CARMIL2: variants seen among roughly 807,000 people sequenced by gnomAD.
The protein encoded by CARMIL2 is capping protein regulator and myosin 1 linker 2.
CARMIL2 carries 96 observed loss-of-function variants against 173.3 expected under a neutral mutation model. The ratio of observed to expected loss-of-function variants is 0.55; its 90% CI spans 0.47 to 0.66. The LOEUF (loss-of-function observed/expected upper bound fraction) is 0.66, where lower values mean the gene tolerates loss of function less well. Among genes scored for constraint, CARMIL2 ranks in the 30% least tolerant of loss-of-function variants. CARMIL2 has a pLI of 0.00. For synonymous variants in CARMIL2, 830 were observed against 817.1 expected (o/e 1.02, Z -0.27); for missense variants, 1,771 against 1,906.7 (o/e 0.93, Z 1.33).
intron 32 of CARMIL2, 86 bp downstream of exon 32, chr16:67,654,986 G>A (rs2142950836): frequency 6.6e-7 from 1 of 1,511,282 alleles, no homozygotes; most frequent in East Asian, 2.3e-5. Context: ...GGAGACTCAT[G>A]ACAGATAGGT....
chr16:67,655,724 ACT>A (rs1351699209), intron 32 of CARMIL2, among the ~76,000 whole-genome samples: 1 of 151,786 alleles, frequency 6.6e-6, no homozygotes, highest in African/African-American at 2.4e-5. Context: ...TTCTTCCCTG[ACT>A]CTCCTCTGTG....
chr16:67,650,173 C>A (rs140340621), intron 22 of CARMIL2, 23 bp downstream of exon 22: 1 of 1,585,790 alleles, frequency 6.3e-7, no homozygotes, highest in Non-Finnish European at 8.6e-7. Flanking sequence ...TCCCCAACCA[C>A]GAGAGGTAGG....
Position 67,656,628 on chromosome 16 carries a change from TG to T in CARMIL2, c.4022del (p.Gly1341AlafsTer9). On this transcript the variant is annotated frameshift_variant, in exon 35 of 38. Coordinates refer to ENST00000334583, the MANE Select transcript of CARMIL2 (RefSeq NM_001013838.3). LOFTEE classifies it high-confidence loss of function. ...CTGGGCCTCCCAGAGGACCCTTGCT[TG>T]GGCCCCAGAAATGAAGGTAGGCAGG... ...DSLGLPEDPC[L>X]GPRNEDGQLR... 1 of 1,594,362 alleles carries T rather than the reference TG, an allele frequency of 6.3e-7. No individual in the cohort carries two copies. The highest frequency in any genetic ancestry group is 8.5e-7 in the Non-Finnish European group (1 of 1,171,034).
Position 67,649,955 on chromosome 16 carries a change from G to C in CARMIL2, c.2069G>C (p.Arg690Pro). The change falls in exon 21 of 38, where the codon CGT (arginine) becomes CCT (proline). Residue 690 changes from arginine to proline, a missense_variant. Arg to Pro is a moderately radical substitution (Grantham distance 103). Transcript: ENST00000334583. This position sits in a 1 kb window ranked among gnomAD's most constrained non-coding sequence, Gnocchi z 6.7. ...AQRSRPELTA[R>P]AVHQIQACLL... ...CGCAGCCGCCCGGAACTGACAGCAC[G>C]TGCAGTCCATCAGGTGGGCGTCCCC... 6.2e-7 allele frequency: 1 copy of C among 1,613,282 alleles called. No individual in the cohort carries two copies. Among genetic ancestry groups the C allele is most frequent in the Non-Finnish European group, 8.5e-7 (1 of 1,179,768 alleles).
chr16:67,652,603 C>A lies in CARMIL2; in HGVS notation c.2884+65C>A. On this transcript the variant is annotated intron_variant, in intron 28 of 37. Transcript: ENST00000334583. The surrounding 1 kb of genome is among the most constrained non-coding windows in gnomAD (Gnocchi z 4.7). Reference sequence around the variant, plus strand: ...GCTGAAGCTCCATTAGACTTGGGGACCCGGGGACCTGGATGAACTCATTCA... The same window carrying A: ...GCTGAAGCTCCATTAGACTTGGGGAACCGGGGACCTGGATGAACTCATTCA... 1 of 1,488,764 alleles carries A rather than the reference C, an allele frequency of 6.7e-7. No individual in the cohort carries two copies. Among genetic ancestry groups the A allele is most frequent in the Non-Finnish European group, 9.3e-7 (1 of 1,075,954 alleles). 92.2% of individuals were successfully genotyped at this position (1,488,764 alleles called of 1,614,324 possible).
Position 67,648,486 on chromosome 16 carries a change from C to A in CARMIL2, c.1423C>A (p.Pro475Thr). 4.2e-6 allele frequency: 6 copies of A among 1,434,350 alleles called. No homozygotes were observed. The highest frequency in any genetic ancestry group is 5.4e-6 in the Non-Finnish European group (6 of 1,101,410). The allele number at this position is 1,434,350 out of a possible 1,614,324, so 88.9% of individuals were successfully genotyped here. The part of the protein sequence containing the change: ...RHLGLAGCKL[P>T]PDALRALLDG... ...CCTGGGCCTGGCGGGCTGCAAGCTGCCGCCCGACGCGCTCAGGTCAGTGTC... is the reference window on the plus strand; with the variant it reads ...CCTGGGCCTGGCGGGCTGCAAGCTGACGCCCGACGCGCTCAGGTCAGTGTC... The change falls in exon 15 of 38, where the codon CCG becomes ACG. Residue 475 changes from proline to threonine, a missense_variant. Coordinates refer to ENST00000334583, the MANE Select transcript of CARMIL2 (RefSeq NM_001013838.3). The surrounding 1 kb of genome is among the most constrained non-coding windows in gnomAD (Gnocchi z 6.1).
chr16:67,649,384 A>T lies in CARMIL2; in HGVS notation c.1747-63A>T. On this transcript the variant is annotated intron_variant, in intron 19 of 37. Coordinates refer to ENST00000334583, the MANE Select transcript of CARMIL2 (RefSeq NM_001013838.3). This position sits in a 1 kb window ranked among gnomAD's most constrained non-coding sequence, Gnocchi z 6.7. Reference sequence around the variant, plus strand: ...GTCCTCCTTTCTCTTGTTCCCTCAGACCCTGTGACCTGCCCTCACTGACCC... The same window carrying T: ...GTCCTCCTTTCTCTTGTTCCCTCAGTCCCTGTGACCTGCCCTCACTGACCC... 2 of 1,609,358 alleles carry T rather than the reference A, an allele frequency of 1.2e-6. No homozygotes were observed. The highest frequency in any genetic ancestry group is 1.7e-6 in the Non-Finnish European group (2 of 1,179,000).
At chr16:67,647,461 G>T (rs78046419) in intron 10 of CARMIL2, 47 bp from the exon 11 acceptor site, 2 of 1,563,848 alleles carry the variant, frequency 1.3e-6, no homozygotes, top group Admixed American at 1.9e-5. Context: ...CCTGGGAGGG[G>T]TTGGCAAACC....
chr16:67,656,944 G>T, intron 36 of CARMIL2, 63 bp downstream of exon 36: 1 of 1,330,836 alleles, frequency 7.5e-7, no homozygotes. Context: ...GGCTTCTGGG[G>T]CTCCCTTCAT....
chr16:67,654,068 C>T (rs2052781524), intron 29 of CARMIL2, 81 bp from the exon 30 acceptor site: 13 of 954,026 alleles, frequency 1.4e-5, no homozygotes, highest in Non-Finnish European at 1.8e-5. Context: ...TTATTCAGTC[C>T]AGGCTGCCGG....
rs2052870226 is a variant in CARMIL2 at position 67,656,819 on chromosome 16, G to C, written c.4055G>C (p.Arg1352Thr). 1.3e-6 allele frequency: 2 copies of C among 1,550,994 alleles called. No individual in the cohort carries two copies. The highest frequency in any genetic ancestry group is 1.4e-5 in the African/African-American group (1 of 73,066). Residue 1352 changes from arginine (R) to threonine (T), a missense_variant, in exon 36 of 38, where the codon AGG becomes ACG. By Grantham distance (71) the Arg-to-Thr change is moderately conservative. Around this residue, in one of 3 missense-constraint regions of CARMIL2, gnomAD observed 817 missense variants for 903.5 expected, o/e 0.90. Coordinates refer to ENST00000334583, the MANE Select transcript of CARMIL2 (RefSeq NM_001013838.3). Reference sequence around the variant, plus strand: ...CCCTCAGATGGCCAGCTGAGGCCGAGGCCTCTCTCGGCAGGGCGGCGAGCA... The same window carrying C: ...CCCTCAGATGGCCAGCTGAGGCCGACGCCTCTCTCGGCAGGGCGGCGAGCA... ...PRNEDGQLRP[R>T]PLSAGRRAVS...
In CARMIL2 at chr16:67,652,149, G is replaced by C. The variant is rs1313131792; in HGVS notation, c.2677-50G>C. The C allele has an allele frequency of 1.2e-6, 2 of 1,602,514 alleles. No individual in the cohort carries two copies. The highest frequency in any genetic ancestry group is 2.2e-5 in the East Asian group (1 of 44,704). Reference sequence around the variant, plus strand: ...AGGGTCCCCTTAGTTAGCATCAATGGGATCATGGCTGAGGCCCTACCTGCC... The same window carrying C: ...AGGGTCCCCTTAGTTAGCATCAATGCGATCATGGCTGAGGCCCTACCTGCC... On this transcript the variant is annotated intron_variant, in intron 26 of 37. Coordinates refer to ENST00000334583, the MANE Select transcript of CARMIL2 (RefSeq NM_001013838.3). This position sits in a 1 kb window ranked among gnomAD's most constrained non-coding sequence, Gnocchi z 4.7.
chr16:67,655,961 C>T lies in CARMIL2; in HGVS notation c.3706-70C>T, dbSNP rs2052840540. The T allele has an allele frequency of 7.2e-6, 11 of 1,534,252 alleles. No homozygotes were observed. In the South Asian group the frequency reaches 1.2e-4, roughly 17 times the overall value. On this transcript the variant is annotated intron_variant, in intron 32 of 37. Coordinates refer to ENST00000334583, the MANE Select transcript of CARMIL2 (RefSeq NM_001013838.3). ...GCATTCAGTGGCAGGATTATAAGAA[C>T]AAGAACGAACAAAAGGCTAGGGTGT...
chr16:67,651,854 G>C lies in CARMIL2; in HGVS notation c.2588+9G>C, dbSNP rs866464719. The C allele has an allele frequency of 6.2e-7, 1 of 1,612,720 alleles. No homozygotes were observed. Among genetic ancestry groups the C allele is most frequent in the Non-Finnish European group, 8.5e-7 (1 of 1,179,644 alleles). On this transcript the variant is annotated intron_variant, in intron 25 of 37. Coordinates refer to ENST00000334583, the MANE Select transcript of CARMIL2 (RefSeq NM_001013838.3). The surrounding 1 kb of genome is among the most constrained non-coding windows in gnomAD (Gnocchi z 4.2). The stretch of plus-strand genomic sequence containing the variant: ...GCCTTCACTAGGCTCAGGTAGGCTG[G>C]ATGGGGCTGGGCTGGGCAAGGCTGA...
chr16:67,657,336 A>C lies in CARMIL2; in HGVS notation c.4195+20A>C. On this transcript the variant is annotated intron_variant, in intron 37 of 37. Coordinates refer to ENST00000334583, the MANE Select transcript of CARMIL2 (RefSeq NM_001013838.3). This position sits in a 1 kb window ranked among gnomAD's most constrained non-coding sequence, Gnocchi z 4.5. ...GCCTAGGTAAGAGGGGGTCCAGGCCAGCTGGGAGGGTGGCAGGACTGCTTA... is the reference window on the plus strand; with the variant it reads ...GCCTAGGTAAGAGGGGGTCCAGGCCCGCTGGGAGGGTGGCAGGACTGCTTA... 2 of 1,613,132 alleles carry C rather than the reference A, an allele frequency of 1.2e-6. No homozygotes were observed. The highest frequency in any genetic ancestry group is 2.2e-5 in the South Asian group (2 of 90,954).
chr16:67,646,595 C>T lies in CARMIL2; in HGVS notation c.466+78C>T. ...CCCAGACCCGCAAGCTGGGGGGGCC[C>T]CAAACTGAACAGAGCCATTCAGGTC... On this transcript the variant is annotated intron_variant, in intron 6 of 37. Transcript: ENST00000334583. This position sits in a 1 kb window ranked among gnomAD's most constrained non-coding sequence, Gnocchi z 4.6. 12 of 1,576,076 alleles carry T rather than the reference C, an allele frequency of 7.6e-6. No individual in the cohort carries two copies. The highest frequency in any genetic ancestry group is 1.0e-5 in the Non-Finnish European group (12 of 1,148,956).
intron 2 of CARMIL2, 39 bp downstream of exon 2, chr16:67,645,670 C>T: frequency 6.2e-7 from 1 of 1,612,630 alleles, no homozygotes; most frequent in Non-Finnish European, 8.5e-7. Context: ...GCGGCTGTGG[C>T]CCCACAGAAA....
Position 67,653,211 on chromosome 16 carries a change from C to A in CARMIL2, c.3077C>A (p.Pro1026Gln). The A allele has an allele frequency of 1.8e-6, 2 of 1,138,012 alleles. No homozygotes were observed. Among genetic ancestry groups the A allele is most frequent in the Non-Finnish European group, 2.2e-6 (2 of 927,454 alleles). The allele number at this position is 1,138,012 out of a possible 1,614,324, so 70.5% of individuals were successfully genotyped here. ...CATCCGACCCGGGCCCGGCCGCGGC[C>A]GCGCCGCCAGCACCACCACCGCCCG... ...LRHPTRARPR[P>Q]RRQHHHRPPP... Residue 1026 changes from proline (P) to glutamine (Q), a missense_variant, in exon 29 of 38, where the codon CCG becomes CAG. Pro to Gln is a moderately conservative substitution (Grantham distance 76). This residue lies in a region of CARMIL2 where 817 missense variants were observed against 903.5 expected (regional missense o/e 0.90). Coordinates refer to ENST00000334583, the MANE Select transcript of CARMIL2 (RefSeq NM_001013838.3). The surrounding 1 kb of genome is among the most constrained non-coding windows in gnomAD (Gnocchi z 7.4).
chr16:67,647,522 G>T lies in CARMIL2; in HGVS notation c.791G>T (p.Arg264Leu). Residue 264 changes from arginine to leucine, a missense_variant, in exon 11 of 38, where the codon CGA (arginine) becomes CTA (leucine). Coordinates refer to ENST00000334583, the MANE Select transcript of CARMIL2 (RefSeq NM_001013838.3). ...CTGGTCCCCAGAGACTTTGTCCGAC[G>T]ACTGGCCCAGGCGCTGGCGGGACAC... ...TCSLRGDFVR[R>L]LAQALAGHSS... 1.9e-6 allele frequency: 3 copies of T among 1,606,990 alleles called. No homozygotes were observed. The highest frequency in any genetic ancestry group is 2.5e-6 in the Non-Finnish European group (3 of 1,177,120).
Sources: gnomAD v4.1 joint callset for allele counts (sites outside exome capture counted in the v4.1 genomes callset) on GRCh38, gnomAD v4.1.1 for gene constraint, gnomAD v4.1.1 regional missense constraint, Gnocchi (gnomAD v3.1) non-coding constraint, MANE v1.5 for transcripts, NCBI Gene and HGNC (gene_info 2026-07-23, HGNC 2026-07-21) for gene names.